Variants in ADARB2 observed in about 807,000 individuals in gnomAD.
ADARB2 encodes the protein adenosine deaminase RNA specific B2 (inactive).
ADARB2 carries 25 observed loss-of-function variants against 62.2 expected under a neutral mutation model. The ratio of observed to expected loss-of-function variants is 0.40; its 90% CI spans 0.29 to 0.56. ADARB2 has a LOEUF of 0.56. Among genes scored for constraint, ADARB2 ranks in the 20% least tolerant of loss-of-function variants. The probability of loss-of-function intolerance (pLI) is 0.43; values close to 1 mark genes in which losing one functional copy is unlikely to be tolerated. For synonymous variants in ADARB2, 572 were observed against 500.8 expected (o/e 1.14, Z -1.90); for missense variants, 1,071 against 1,077.4 (o/e 0.99, Z 0.08).
At chr10:1,464,444 A>G (rs112018704) in intron 1 of ADARB2, among the ~76,000 whole-genome samples, 477 of 34,914 alleles carry the variant, frequency 0.014, 2 homozygotes, top group African/African-American at 0.029. Context: ...CGGGCAGTGC[A>G]CCGGAGAAGA....
At chr10:1,564,886 G>T (rs1189797309) in intron 1 of ADARB2, among the ~76,000 whole-genome samples, 2 of 151,932 alleles carry the variant, frequency 1.3e-5, no homozygotes, top group Admixed American at 1.3e-4. Context: ...GGGCCGCAGG[G>T]TGAATTCAAG....
intron 1 of ADARB2, among the ~76,000 whole-genome samples, chr10:1,604,101 G>A (rs1240161091): frequency 1.3e-5 from 2 of 152,040 alleles, no homozygotes; most frequent in African/African-American, 2.4e-5. Flanking sequence ...CACTGCCTCT[G>A]GCCAATATTT....
chr10:1,190,944 C>T (rs535333921), intron 8 of ADARB2, among the ~76,000 whole-genome samples: 2 of 152,366 alleles, frequency 1.3e-5, no homozygotes, highest in South Asian at 2.1e-4. Context: ...GAGTGAGCAG[C>T]GCTCTTCCGG....
chr10:1,318,871 G>T (rs1831769670), intron 3 of ADARB2, among the ~76,000 whole-genome samples: 1 of 152,220 alleles, frequency 6.6e-6, no homozygotes, highest in African/African-American at 2.4e-5. Flanking sequence ...TAAAGGGTCT[G>T]CCAGCCTCCA....
At chr10:1,414,189 G>A (rs1441898430) in intron 1 of ADARB2, among the ~76,000 whole-genome samples, 1 of 152,230 alleles carries the variant, frequency 6.6e-6, no homozygotes, top group Non-Finnish European at 1.5e-5. Context: ...TCCTTGATGG[G>A]GGGAATACAG....
At chr10:1,411,374 C>T (rs529666304) in intron 1 of ADARB2, among the ~76,000 whole-genome samples, 17 of 152,328 alleles carry the variant, frequency 1.1e-4, no homozygotes, top group Admixed American at 4.6e-4. Context: ...CAGCCCAGGG[C>T]GGGACCAGCC....
chr10:1,723,110 G>A (rs112269146), intron 1 of ADARB2, among the ~76,000 whole-genome samples: 2 of 152,334 alleles, frequency 1.3e-5, no homozygotes, highest in South Asian at 4.1e-4. Flanking sequence ...CTGGAAACGG[G>A]AGCGCATGCC....
chr10:1,425,388 C>T (rs1048346129), intron 1 of ADARB2, among the ~76,000 whole-genome samples: 4 of 152,210 alleles, frequency 2.6e-5, no homozygotes, highest in Non-Finnish European at 5.9e-5. Flanking sequence ...AGAGACTATG[C>T]TTTGTCCTAG....
intron 1 of ADARB2, among the ~76,000 whole-genome samples, chr10:1,571,156 A>G (rs999832443): frequency 1.4e-4 from 21 of 152,312 alleles, no homozygotes; most frequent in Non-Finnish European, 2.8e-4. Flanking sequence ...AGCCCACTCT[A>G]AAGTCTTTTC....
intron 1 of ADARB2, among the ~76,000 whole-genome samples, chr10:1,714,227 G>A (rs1327161484): frequency 3.9e-5 from 6 of 152,210 alleles, no homozygotes; most frequent in African/African-American, 1.4e-4. Context: ...AAGGTTGGAC[G>A]ATTTAGATTG....
chr10:1,211,500 AGAGT>A (rs1837151516), intron 7 of ADARB2, among the ~76,000 whole-genome samples: 1 of 152,210 alleles, frequency 6.6e-6, no homozygotes, highest in South Asian at 2.1e-4. Context: ...CCAGAAGCTT[AGAGT>A]TTGGTGGGAA....
chr10:1,450,151 C>A (rs1304238599), intron 1 of ADARB2, among the ~76,000 whole-genome samples: 2 of 152,144 alleles, frequency 1.3e-5, no homozygotes, highest in Non-Finnish European at 2.9e-5. Flanking sequence ...GAGCTCCCCA[C>A]GCTCCCGTCG....
intron 8 of ADARB2, among the ~76,000 whole-genome samples, chr10:1,196,926 G>C (rs1181881481): frequency 6.6e-6 from 1 of 152,152 alleles, no homozygotes; most frequent in Non-Finnish European, 1.5e-5. Flanking sequence ...GATTGTTCTA[G>C]CAAGATTTAT....
chr10:1,534,038 GGAGGGA>G (rs1025112108), intron 1 of ADARB2, among the ~76,000 whole-genome samples: 1 of 150,698 alleles, frequency 6.6e-6, no homozygotes, highest in African/African-American at 2.5e-5. Context: ...GGGGAGGGAG[GGAGGGA>G]GAGAGAGAGA....
intron 4 of ADARB2, among the ~76,000 whole-genome samples, chr10:1,250,891 G>A (rs1030657893): frequency 1.3e-5 from 2 of 152,186 alleles, no homozygotes; most frequent in African/African-American, 4.8e-5. Context: ...GGGGTGTGAA[G>A]TGAAACAGGT....
At chr10:1,248,143 T>C (rs751696367) in intron 4 of ADARB2, among the ~76,000 whole-genome samples, 4 of 152,192 alleles carry the variant, frequency 2.6e-5, no homozygotes, top group Admixed American at 6.5e-5. Flanking sequence ...GAGGGGAGGC[T>C]GTACTGAGGT....
chr10:1,719,041 A>G (rs569345886), intron 1 of ADARB2, among the ~76,000 whole-genome samples: 6 of 151,958 alleles, frequency 3.9e-5, no homozygotes, highest in African/African-American at 1.4e-4. Context: ...GCTCGCTGCA[A>G]CCTCTGCCTC....
intron 1 of ADARB2, among the ~76,000 whole-genome samples, chr10:1,671,226 C>T (rs1331117805): frequency 6.6e-6 from 1 of 152,168 alleles, no homozygotes; most frequent in African/African-American, 2.4e-5. Flanking sequence ...CATGATCTCG[C>T]CCCCACCCGC....
chr10:1,580,220 T>G (rs1324044616), intron 1 of ADARB2, among the ~76,000 whole-genome samples: 1 of 152,170 alleles, frequency 6.6e-6, no homozygotes, highest in Non-Finnish European at 1.5e-5. Flanking sequence ...ACCACCCAGC[T>G]CATATGCAAA....
Sources: allele counts gnomAD v4.1 joint callset (sites outside exome capture counted in the v4.1 genomes callset), GRCh38; gene constraint gnomAD v4.1.1; transcripts MANE v1.5; gene names NCBI Gene and HGNC (gene_info 2026-07-23, HGNC 2026-07-21).